Variants in ATP7B observed in about 807,000 individuals in gnomAD.
The protein encoded by ATP7B is ATPase copper transporting beta.
ATP7B carries 113 observed loss-of-function variants against 118.9 expected under a neutral mutation model. The ratio of observed to expected loss-of-function variants is 0.95; its 90% CI spans 0.82 to 1.11. The LOEUF is 1.11. ATP7B is among the 50% of genes most tolerant of loss of function. The probability of loss-of-function intolerance (pLI) is 0.00; values close to 1 mark genes in which losing one functional copy is unlikely to be tolerated. For synonymous variants in ATP7B, 777 were observed against 727.4 expected (o/e 1.07, Z -1.10); for missense variants, 1,867 against 1,871.4 (o/e 1.00, Z 0.04).
At chr13:51,935,808 G>A (rs181472388) in intron 19 of ATP7B, 113 bp from the exon 20 acceptor site, 2 of 904,872 alleles carry the variant, frequency 2.2e-6, no homozygotes, top group East Asian at 5.3e-5. Flanking sequence ...TCTCCACCTG[G>A]CGTGCTCAGA....
At chr13:51,980,117 A>G (rs371630659) in intron 1 of ATP7B, among the ~76,000 whole-genome samples, 1 of 152,214 alleles carries the variant, frequency 6.6e-6, no homozygotes, top group East Asian at 1.9e-4. Flanking sequence ...ATGAGTTTTA[A>G]AAAACAAACA....
chr13:52,001,817 G>A (rs749224107), intron 1 of ATP7B, among the ~76,000 whole-genome samples: 1 of 151,638 alleles, frequency 6.6e-6, no homozygotes, highest in South Asian at 2.1e-4. Flanking sequence ...TAAGGACAGG[G>A]TTTCACTCTG....
chr13:51,954,305 C>T (rs904555060), intron 9 of ATP7B, among the ~76,000 whole-genome samples: 1 of 152,204 alleles, frequency 6.6e-6, no homozygotes, highest in Non-Finnish European at 1.5e-5. Flanking sequence ...GGCATGCAGG[C>T]GGATGCCGGG....
intron 12 of ATP7B, among the ~76,000 whole-genome samples, chr13:51,949,155 G>A (rs7317602): frequency 0.031 from 4,738 of 152,120 alleles, 260 homozygotes; most frequent in African/African-American, 0.11. Context: ...ACTCCAGCCC[G>A]GGAAACAGAG....
At chr13:51,963,997 G>T (rs990824341) in intron 5 of ATP7B, among the ~76,000 whole-genome samples, 31 of 152,042 alleles carry the variant, frequency 2.0e-4, no homozygotes, top group African/African-American at 6.8e-4. Flanking sequence ...GTTGCAGTGA[G>T]CCAAAATCAT....
chr13:51,991,020 G>A (rs909517599), intron 1 of ATP7B, among the ~76,000 whole-genome samples: 4 of 152,074 alleles, frequency 2.6e-5, no homozygotes, highest in South Asian at 4.1e-4. Flanking sequence ...CCTGGGAGGC[G>A]GAGCTTTCAC....
intron 1 of ATP7B, among the ~76,000 whole-genome samples, chr13:51,981,159 G>GA (rs1356218341): frequency 2.0e-5 from 3 of 152,176 alleles, no homozygotes; most frequent in Non-Finnish European, 4.4e-5. Flanking sequence ...AAACGCTGCT[G>GA]AGAAATCCGA....
rs1957032809 is a variant in ATP7B, at chr13:51,937,401, A to G, written c.3904-8T>C. ...CACATCCAGCAAATCATTCTGATGG[A>G]GAGGAGCACACAGTGAGGAAGGGGT... On this transcript the variant is annotated splice_polypyrimidine_tract_variant and splice_region_variant and intron_variant, in intron 18 of 20. Coordinates refer to ENST00000242839, the MANE Select transcript of ATP7B (RefSeq NM_000053.4). 6.2e-7 allele frequency: 1 copy of G among 1,614,086 alleles called. No homozygotes were observed. The highest frequency in any genetic ancestry group is 8.5e-7 in the Non-Finnish European group (1 of 1,180,032).
chr13:51,968,429 A>G lies in ATP7B; in HGVS notation c.1707+15T>C, dbSNP rs1344545054. The G allele has an allele frequency of 6.2e-7, 1 of 1,614,066 alleles. No homozygotes were observed. The highest frequency in any genetic ancestry group is 8.5e-7 in the Non-Finnish European group (1 of 1,180,028). On this transcript the variant is annotated intron_variant, in intron 4 of 20. Transcript: ENST00000242839. ...TCAGAAGCCTGTAACCCCGTAACGC[A>G]CCCACAGTACTTACTGTCAGCTCAA...
At chr13:51,987,594 C>A (rs1952717791) in intron 1 of ATP7B, among the ~76,000 whole-genome samples, 1 of 152,154 alleles carries the variant, frequency 6.6e-6, no homozygotes, top group African/African-American at 2.4e-5. Context: ...AAAAAGAGCC[C>A]AGATAGCCAA....
At chr13:51,942,266 G>T in intron 15 of ATP7B, 120 bp downstream of exon 15, 1 of 1,483,230 alleles carries the variant, frequency 6.7e-7, no homozygotes, top group Non-Finnish European at 9.3e-7. Context: ...GGCAGGCTTG[G>T]GTGCCTTAGC....
intron 9 of ATP7B, among the ~76,000 whole-genome samples, chr13:51,951,925 G>T (rs1318501668): frequency 6.6e-6 from 1 of 152,244 alleles, no homozygotes; most frequent in Non-Finnish European, 1.5e-5. Context: ...TTGGATTGGG[G>T]TATATGGAAA....
Position 51,980,448 on chromosome 13 carries a change from C to T in ATP7B, c.52-5280G>A, listed in dbSNP as rs139310090. ...TACCTCTCTAGGTACCCAAGTCACA[C>T]GAAATTTGCTGAGAGTGCCAGGGCT... On this transcript the variant is annotated intron_variant, in intron 1 of 20. Coordinates refer to ENST00000242839, the MANE Select transcript of ATP7B (RefSeq NM_000053.4). 2.8e-3 allele frequency among the ~76,000 whole-genome samples: 420 copies of T among 152,102 alleles called. 4 individuals are homozygous for T. Among genetic ancestry groups the T allele is most frequent in the Non-Finnish European group, 3.4e-3 (229 of 67,992 alleles).
Position 51,950,176 on chromosome 13 carries a change from G to A in ATP7B, c.2576-15C>T. ...CATGGCTTCTCCTAGACGTAGGAAAGAGACAACTGTCACTTGCTCAGCCCC... is the reference window on the plus strand; with the variant it reads ...CATGGCTTCTCCTAGACGTAGGAAAAAGACAACTGTCACTTGCTCAGCCCC... On this transcript the variant is annotated splice_polypyrimidine_tract_variant and intron_variant, in intron 10 of 20. Coordinates refer to ENST00000242839, the MANE Select transcript of ATP7B (RefSeq NM_000053.4). 1.2e-6 allele frequency: 2 copies of A among 1,614,174 alleles called. No individual in the cohort carries two copies. Among genetic ancestry groups the A allele is most frequent in the African/African-American group, 2.7e-5 (2 of 75,048 alleles).
rs150268901 is a variant in ATP7B, at chr13:51,935,411, T to C, written c.4124+182A>G. Among the ~76,000 whole-genome samples the C allele has an allele frequency of 4.6e-5, 7 of 152,342 alleles. No homozygotes were observed. In the East Asian group the frequency reaches 1.4e-3, roughly 29 times the overall value. On this transcript the variant is annotated intron_variant, in intron 20 of 20. Coordinates refer to ENST00000242839, the MANE Select transcript of ATP7B (RefSeq NM_000053.4). The stretch of plus-strand genomic sequence containing the variant: ...CAGCACGTGAATGGGCAGCAGTGAA[T>C]TGCCTGCTCATGGTGCTGATAAGTT...
At position 51,964,804 on chromosome 13, in the gene ATP7B, T is replaced by C; in HGVS notation, c.1869+68A>G. The stretch of plus-strand genomic sequence containing the variant: ...ATTTTTTCTTAGCTATATTTTCTCA[T>C]TTTTCTTCACTGATTATATATTACT... On this transcript the variant is annotated intron_variant, in intron 5 of 20. Transcript: ENST00000242839. 3 of 1,552,690 alleles carry C rather than the reference T, an allele frequency of 1.9e-6. No homozygotes were observed. The South Asian group carries it at 3.5e-5, about 18-fold the overall frequency.
At chr13:51,943,459 A>G (rs1320519318) in intron 14 of ATP7B, among the ~76,000 whole-genome samples, 1 of 152,186 alleles carries the variant, frequency 6.6e-6, no homozygotes, top group Non-Finnish European at 1.5e-5. Context: ...ATTGTTTTTC[A>G]AGGCAATGAT....
Position 51,974,505 on chromosome 13 carries a change from C to T in ATP7B, c.715G>A (p.Ala239Thr). ...TCAGAATTATTAAAATTCTGGTTAGCAGAAGATAAAGGTCTCTTTGGGTTA... is the reference window on the plus strand; with the variant it reads ...TCAGAATTATTAAAATTCTGGTTAGTAGAAGATAAAGGTCTCTTTGGGTTA... Reference protein sequence around the residue: ...STNPKRPLSSANQNFNNSETL... With the variant: ...STNPKRPLSSTNQNFNNSETL... Residue 239 changes from alanine to threonine, a missense_variant, in exon 2 of 21, where the codon GCT becomes ACT. Coordinates refer to ENST00000242839, the MANE Select transcript of ATP7B (RefSeq NM_000053.4). The T allele has an allele frequency of 6.2e-7, 1 of 1,614,162 alleles. No homozygotes were observed. The highest frequency in any genetic ancestry group is 1.1e-5 in the South Asian group (1 of 91,078).
chr13:52,011,472 TA>T, upstream of ATP7B: 1 of 852,942 alleles, frequency 1.2e-6, no homozygotes, highest in Non-Finnish European at 1.9e-6. Context: ...GGCTCGGCTC[TA>T]AAGCAAACAG....
Sources: gnomAD v4.1 joint callset for allele counts (sites outside exome capture counted in the v4.1 genomes callset) on GRCh38, gnomAD v4.1.1 for gene constraint, MANE v1.5 for transcripts, NCBI Gene and HGNC (gene_info 2026-07-23, HGNC 2026-07-21) for gene names.